Variants in DCP1B observed in about 807,000 individuals in gnomAD.
DCP1B encodes mRNA-decapping enzyme 1B.
In DCP1B, 47 loss-of-function variants were observed where a neutral mutation model predicts 60.5. The observed-to-expected ratio is 0.78, with a 90% confidence interval of 0.61 to 0.99. The LOEUF (loss-of-function observed/expected upper bound fraction) is 0.99, where lower values mean the gene tolerates loss of function less well. Ranked by LOEUF, DCP1B falls within the 50% of genes least tolerant of loss-of-function variation. The probability of loss-of-function intolerance (pLI) is 0.00; values close to 1 mark genes in which losing one functional copy is unlikely to be tolerated. For missense variants in DCP1B, 725 were observed against 756.8 expected, an observed-to-expected ratio of 0.96 and a Z score of 0.49; for synonymous variants, 267 against 280.3, an observed-to-expected ratio of 0.95 and a Z score of 0.47.
chr12:1,994,965 C>G (rs1315972448), intron 2 of DCP1B, among the ~76,000 whole-genome samples: 2 of 141,046 alleles, frequency 1.4e-5, no homozygotes, highest in East Asian at 4.5e-4. Flanking sequence ...CTGAAGAAAG[C>G]CTTCAACATT....
rs200127830 is a variant in DCP1B, at chr12:2,004,423, G to A, written c.9C>T (p.Ala3=). The A allele has an allele frequency of 1.9e-6, 3 of 1,609,640 alleles. No homozygotes were observed. The highest frequency in any genetic ancestry group is 2.2e-5 in the South Asian group (2 of 90,514). ...TTCCCACCAGGCCGCCTGCCGCCAC[G>A]GCTGCCATCTTCCCTCCCTCCCAGA... MA[A]VAAGGLVGKG... is the part of the protein sequence containing the mutation. Residue 3 remains alanine (A), a synonymous_variant, in exon 1 of 9, where the codon GCC becomes GCT. Coordinates refer to ENST00000280665, the MANE Select transcript of DCP1B (RefSeq NM_152640.5).
chr12:1,997,786 C>A (rs73045442), intron 2 of DCP1B, 149 bp downstream of exon 2: 7,325 of 671,176 alleles, frequency 0.011, 74 homozygotes, highest in Non-Finnish European at 0.014. Flanking sequence ...GTATTCCCTT[C>A]TTCGTGTCAA....
intron 7 of DCP1B, chr12:1,950,097 A>G (rs2030607175): frequency 1.9e-6 from 1 of 515,734 alleles, no homozygotes; most frequent in Non-Finnish European, 3.5e-6. Flanking sequence ...AAAGAATGTT[A>G]TTTATCAGCC....
At chr12:1,957,462 AT>A (rs2030924981) in intron 5 of DCP1B, among the ~76,000 whole-genome samples, 2 of 152,330 alleles carry the variant, frequency 1.3e-5, no homozygotes, top group South Asian at 4.1e-4. Flanking sequence ...TTCTTTTTAT[AT>A]TCTTTTGAAT....
At chr12:1,958,769 A>G (rs1409093564) in intron 5 of DCP1B, among the ~76,000 whole-genome samples, 2 of 135,770 alleles carry the variant, frequency 1.5e-5, no homozygotes, top group African/African-American at 5.6e-5. Context: ...AAACAGGGGA[A>G]AAGCTCCCCA....
At chr12:1,943,414 A>C (rs2030327075), downstream of DCP1B, among the ~76,000 whole-genome samples, 1 of 152,196 alleles carries the variant, frequency 6.6e-6, no homozygotes, top group Non-Finnish European at 1.5e-5. Flanking sequence ...AGAAAAAGAG[A>C]GACTCCTCCC....
intron 1 of DCP1B, among the ~76,000 whole-genome samples, chr12:2,000,306 C>T (rs536861274): frequency 4.6e-4 from 70 of 152,300 alleles, no homozygotes; most frequent in Non-Finnish European, 7.5e-4. Context: ...GATCACTCCC[C>T]ACAAGATCAA....
intron 1 of DCP1B, among the ~76,000 whole-genome samples, chr12:2,000,954 T>C (rs367669802): frequency 6.6e-6 from 1 of 151,940 alleles, no homozygotes; most frequent in South Asian, 2.1e-4. Context: ...GGAGAATAGC[T>C]TGAACCCAGG....
chr12:1,980,298 G>A (rs2035738801), intron 3 of DCP1B, among the ~76,000 whole-genome samples: 2 of 152,232 alleles, frequency 1.3e-5, no homozygotes, highest in Admixed American at 6.5e-5. Context: ...AAGAAACTAC[G>A]GCTACATGCA....
chr12:2,003,110 G>T (rs1364431106), intron 1 of DCP1B, among the ~76,000 whole-genome samples: 1 of 152,146 alleles, frequency 6.6e-6, no homozygotes, highest in African/African-American at 2.4e-5. Context: ...CCTCCGTTAA[G>T]AACTTTGGGC....
intron 1 of DCP1B, among the ~76,000 whole-genome samples, chr12:2,000,543 T>C (rs1309644134): frequency 6.6e-6 from 1 of 152,134 alleles, no homozygotes; most frequent in South Asian, 2.1e-4. Context: ...GGCATGCTTC[T>C]CCTAAAATTA....
At chr12:1,979,632 C>T (rs1250331184) in intron 3 of DCP1B, among the ~76,000 whole-genome samples, 1 of 152,214 alleles carries the variant, frequency 6.6e-6, no homozygotes, top group South Asian at 2.1e-4. Context: ...AAGTAAATAA[C>T]TACGAACGGA....
chr12:1,943,767 C>A (rs948130300), downstream of DCP1B, among the ~76,000 whole-genome samples: 2 of 152,114 alleles, frequency 1.3e-5, no homozygotes, highest in African/African-American at 4.8e-5. Flanking sequence ...TCTCAATAAA[C>A]TAGGTATTGA....
chr12:1,955,767 C>T (rs887508113), intron 5 of DCP1B, among the ~76,000 whole-genome samples: 2 of 152,102 alleles, frequency 1.3e-5, no homozygotes, highest in African/African-American at 4.8e-5. Flanking sequence ...TTGGACAATT[C>T]AGTGCTCTAA....
At chr12:2,002,987 A>T (rs2042534704) in intron 1 of DCP1B, among the ~76,000 whole-genome samples, 1 of 152,184 alleles carries the variant, frequency 6.6e-6, no homozygotes, top group South Asian at 2.1e-4. Context: ...CCTGATCAAG[A>T]GGTACACTTT....
At chr12:1,978,234 C>A (rs2035035663) in intron 3 of DCP1B, among the ~76,000 whole-genome samples, 1 of 152,182 alleles carries the variant, frequency 6.6e-6, no homozygotes, top group African/African-American at 2.4e-5. Context: ...TCAACTATTT[C>A]TATTACCTCA....
At chr12:1,969,432 C>T (rs1484657705) in intron 3 of DCP1B, among the ~76,000 whole-genome samples, 1 of 152,044 alleles carries the variant, frequency 6.6e-6, no homozygotes, top group African/African-American at 2.4e-5. Context: ...TCTTACCTAC[C>T]TGCACGTGAA....
chr12:1,997,526 C>CA (rs1002504851), intron 2 of DCP1B, among the ~76,000 whole-genome samples: 22 of 151,372 alleles, frequency 1.5e-4, no homozygotes, highest in African/African-American at 4.9e-4. Flanking sequence ...GACTCCATCT[C>CA]AAAAAAAAGA....
chr12:1,951,900 A>G (rs2030683295), intron 7 of DCP1B, among the ~76,000 whole-genome samples: 1 of 152,220 alleles, frequency 6.6e-6, no homozygotes, highest in South Asian at 2.1e-4. Context: ...CCTACAGTCA[A>G]AAATTACGGT....
Sources: gnomAD v4.1 joint callset for allele counts (sites outside exome capture counted in the v4.1 genomes callset) on GRCh38, gnomAD v4.1.1 for gene constraint, MANE v1.5 for transcripts, NCBI Gene and HGNC (gene_info 2026-07-23, HGNC 2026-07-21) for gene names.